Variants in TLR3 observed in about 807,000 individuals in gnomAD.
TLR3 encodes toll like receptor 3, also known as toll-like receptor 3.
TLR3 carries 43 observed loss-of-function variants against 66.4 expected under a neutral mutation model. The observed-to-expected ratio is 0.65, with a 90% confidence interval of 0.51 to 0.83. TLR3 has a LOEUF of 0.83. Ranked by LOEUF, TLR3 falls within the 40% of genes least tolerant of loss-of-function variation. The pLI is 0.00. For missense variants in TLR3, 982 were observed against 1,044.6 expected (o/e 0.94, Z 0.83); for synonymous variants, 397 against 397.2 (o/e 1.00, Z 0.01).
intron 3 of TLR3, among the ~76,000 whole-genome samples, chr4:186,079,558 C>A (rs1369953682): frequency 6.6e-6 from 1 of 152,124 alleles, no homozygotes; most frequent in Admixed American, 6.5e-5. Flanking sequence ...CCGTGTCTGG[C>A]GTAGGCAGTG....
Position 186,078,509 on chromosome 4 carries a change from G to A in TLR3, c.442-331G>A, listed in dbSNP as rs115489841. On this transcript the variant is annotated intron_variant, in intron 2 of 4. Transcript: ENST00000296795. Reference sequence around the variant, plus strand: ...AAATTTCTTGCATCATAAGTAAAAGGTTATGATAAATAAGTTCATAAATTA... The same window carrying A: ...AAATTTCTTGCATCATAAGTAAAAGATTATGATAAATAAGTTCATAAATTA... Among the ~76,000 whole-genome samples, 225 of 152,216 alleles carry A rather than the reference G, an allele frequency of 1.5e-3. 1 individual carries two copies. Among genetic ancestry groups the A allele is most frequent in the African/African-American group, 4.8e-3 (198 of 41,550 alleles).
intron 3 of TLR3, among the ~76,000 whole-genome samples, chr4:186,080,366 A>G (rs56976411): frequency 6.6e-6 from 1 of 152,008 alleles, no homozygotes; most frequent in South Asian, 2.1e-4. Context: ...GGGTGATTTT[A>G]AAAAATCACT....
Position 186,079,421 on chromosome 4 carries a change from G to T in TLR3, c.633+390G>T, listed in dbSNP as rs80145619. Among the ~76,000 whole-genome samples, 844 of 152,258 alleles carry T rather than the reference G, an allele frequency of 5.5e-3. 38 individuals are homozygous for T. In the East Asian group the frequency reaches 0.11, roughly 19 times the overall value. On this transcript the variant is annotated intron_variant, in intron 3 of 4. Transcript: ENST00000296795. ...AGTCGGGTTAGCTGGCTTGGTCTCT[G>T]GGCTTTGTCTTTTAACAATCATGTT...
At position 186,087,606 on chromosome 4, in the gene TLR3, A is replaced by G. The variant is rs1430808476; in HGVS notation, c.*2733A>G. 1 of 152,230 alleles carries G rather than the reference A, an allele frequency of 6.6e-6. No homozygotes were observed. The highest frequency in any genetic ancestry group is 1.5e-5 in the Non-Finnish European group (1 of 68,034). The allele number at this position is 152,230 out of a possible 1,614,324, so 9.4% of individuals were successfully genotyped here. A position where few individuals can be genotyped will look rare whatever the true frequency, so the allele number is the denominator to read the frequency against. ...GAGTTTAAAATAAATCTTGGTATTTAGGTTGTACCTAAAAATGATAACTTT... is the reference window on the plus strand; with the variant it reads ...GAGTTTAAAATAAATCTTGGTATTTGGGTTGTACCTAAAAATGATAACTTT... On this transcript the variant is annotated 3_prime_UTR_variant, in exon 5 of 5. Coordinates refer to ENST00000296795, the MANE Select transcript of TLR3 (RefSeq NM_003265.3).
chr4:186,075,733 A>G (rs2099302335), intron 1 of TLR3, among the ~76,000 whole-genome samples: 1 of 152,246 alleles, frequency 6.6e-6, no homozygotes, highest in African/African-American at 2.4e-5. Flanking sequence ...ATATGTAATC[A>G]TAGTTTCAGG....
rs2150068851 is a variant in TLR3, at chr4:186,087,312, T to G, written c.*2439T>G. On this transcript the variant is annotated 3_prime_UTR_variant, in exon 5 of 5. Coordinates refer to ENST00000296795, the MANE Select transcript of TLR3 (RefSeq NM_003265.3). ...GAATGCCAATAAAAATAGTAAAAGG[T>G]GTAAACTCTGACTCCTATCTGACCT... The G allele has an allele frequency of 6.6e-6, 1 of 152,260 alleles. No homozygotes were observed. The highest frequency in any genetic ancestry group is 1.5e-5 in the Non-Finnish European group (1 of 68,012). The allele number at this position is 152,260 out of a possible 1,614,324, so 9.4% of individuals were successfully genotyped here.
chr4:186,084,482 A>T (rs1341697391), intron 4 of TLR3, among the ~76,000 whole-genome samples, 163 bp from the exon 5 acceptor site: 1 of 152,016 alleles, frequency 6.6e-6, no homozygotes, highest in Non-Finnish European at 1.5e-5. Context: ...ACTTTTAAAT[A>T]TTACCAATAT....
chr4:186,078,509 G>C (rs115489841), intron 2 of TLR3, among the ~76,000 whole-genome samples: 2,256 of 152,206 alleles, frequency 0.015, 23 homozygotes, highest in Non-Finnish European at 0.024. Context: ...TAAGTAAAAG[G>C]TTATGATAAA....
chr4:186,079,927 A>G (rs1307647947), intron 3 of TLR3, among the ~76,000 whole-genome samples: 1 of 152,232 alleles, frequency 6.6e-6, no homozygotes, highest in East Asian at 1.9e-4. Flanking sequence ...GACAGCGCCC[A>G]GGTTGCAGTG....
intron 3 of TLR3, 83 bp downstream of exon 3, chr4:186,079,114 G>A (rs1205748855): frequency 8.2e-6 from 10 of 1,220,942 alleles, no homozygotes; most frequent in Non-Finnish European, 1.2e-5. Context: ...GGAATGTAAT[G>A]CTCTCTAGCC....
Position 186,083,094 on chromosome 4 carries a change from C to A in TLR3, c.1408C>A (p.Gln470Lys), listed in dbSNP as rs1230106817. 2 of 1,614,070 alleles carry A rather than the reference C, an allele frequency of 1.2e-6. No individual in the cohort carries two copies. The highest frequency in any genetic ancestry group is 1.7e-6 in the Non-Finnish European group (2 of 1,180,042). ...CTATCTTTCCTACAACAAGTACCTG[C>A]AGCTGACTAGGAACTCCTTTGCCTT... ...EIYLSYNKYL[Q>K]LTRNSFALVP... is the part of the protein sequence containing the mutation. The change falls in exon 4 of 5, where the codon CAG becomes AAG. Residue 470 changes from glutamine to lysine, a missense_variant. Coordinates refer to ENST00000296795, the MANE Select transcript of TLR3 (RefSeq NM_003265.3). The surrounding 1 kb of genome is among the most constrained non-coding windows in gnomAD (Gnocchi z 4.0).
chr4:186,079,349 C>T (rs2099303019), intron 3 of TLR3, among the ~76,000 whole-genome samples: 1 of 152,192 alleles, frequency 6.6e-6, no homozygotes, highest in Non-Finnish European at 1.5e-5. Context: ...AACTCTCTGA[C>T]AGAGTTATTA....
At position 186,076,722 on chromosome 4, in the gene TLR3, G is replaced by T; in HGVS notation, c.103G>T (p.Ala35Ser). 6.2e-7 allele frequency: 1 copy of T among 1,614,130 alleles called. No individual in the cohort carries two copies. The highest frequency in any genetic ancestry group is 1.1e-5 in the South Asian group (1 of 91,066). The change falls in exon 2 of 5, where the codon GCT becomes TCT. Residue 35 changes from alanine to serine, a missense_variant. Physicochemically the swap from Ala to Ser is moderately conservative, Grantham distance 99. Around this residue, in one of 3 missense-constraint regions of TLR3, gnomAD observed 313 missense variants for 319.0 expected, o/e 0.98. Transcript: ENST00000296795. Reference protein sequence around the residue: ...TTKCTVSHEVADCSHLKLTQV... With the variant: ...TTKCTVSHEVSDCSHLKLTQV... ...CAAGTGCACTGTTAGCCATGAAGTTGCTGACTGCAGCCACCTGAAGTTGAC... is the reference window on the plus strand; with the variant it reads ...CAAGTGCACTGTTAGCCATGAAGTTTCTGACTGCAGCCACCTGAAGTTGAC...
At position 186,082,625 on chromosome 4, in the gene TLR3, G is replaced by T; in HGVS notation, c.939G>T (p.Leu313Phe). 6 of 1,614,080 alleles carry T rather than the reference G, an allele frequency of 3.7e-6. No homozygotes were observed. The highest frequency in any genetic ancestry group is 5.1e-6 in the Non-Finnish European group (6 of 1,180,010). The stretch of plus-strand genomic sequence containing the variant: ...TAGAGTATAATAATATACAGCATTT[G>T]TTTTCTCACTCTTTGCACGGGCTTT... ...FFLEYNNIQH[L>F]FSHSLHGLFN... The change falls in exon 4 of 5, where the codon TTG becomes TTT. Residue 313 changes from leucine (L) to phenylalanine (F), a missense_variant. Coordinates refer to ENST00000296795, the MANE Select transcript of TLR3 (RefSeq NM_003265.3).
chr4:186,079,548 C>T (rs1042994670), intron 3 of TLR3, among the ~76,000 whole-genome samples: 1 of 152,158 alleles, frequency 6.6e-6, no homozygotes, highest in African/African-American at 2.4e-5. Flanking sequence ...GAATTTAGGA[C>T]CGTGTCTGGC....
intron 3 of TLR3, among the ~76,000 whole-genome samples, chr4:186,079,372 G>A (rs1056682123): frequency 8.5e-5 from 13 of 152,188 alleles, no homozygotes; most frequent in Non-Finnish European, 1.6e-4. Flanking sequence ...TAAAGAGTAC[G>A]ATGGTCAAGA....
rs1214257730 is a variant in TLR3, at chr4:186,083,260, T to G, written c.1574T>G (p.Met525Arg). The G allele has an allele frequency of 9.9e-6, 16 of 1,614,172 alleles. No individual in the cohort carries two copies. The highest frequency in any genetic ancestry group is 1.3e-5 in the Non-Finnish European group (15 of 1,180,034). The change falls in exon 4 of 5, where the codon ATG (methionine) becomes AGG (arginine). Residue 525 changes from methionine (M) to arginine (R), a missense_variant. Around this residue, in one of 3 missense-constraint regions of TLR3, gnomAD observed 666 missense variants for 709.0 expected, o/e 0.94. Coordinates refer to ENST00000296795, the MANE Select transcript of TLR3 (RefSeq NM_003265.3). This position sits in a 1 kb window ranked among gnomAD's most constrained non-coding sequence, Gnocchi z 4.0. ...AACATAGCCAACATAAATGATGACA[T>G]GTTGGAGGGTCTTGAGAAACTAGAA... ...NNNIANINDD[M>R]LEGLEKLEIL...
At chr4:186,082,149 G>A (rs2150067561) in intron 3 of TLR3, 171 bp from the exon 4 acceptor site, 1 of 638,296 alleles carries the variant, frequency 1.6e-6, no homozygotes, top group East Asian at 2.8e-5. Flanking sequence ...TGCTTGAACT[G>A]AGGAGGTGGA....
At chr4:186,080,563 A>G (rs1355156840) in intron 3 of TLR3, among the ~76,000 whole-genome samples, 2 of 148,430 alleles carry the variant, frequency 1.3e-5, no homozygotes, top group Non-Finnish European at 3.0e-5. Context: ...TGTATATAGT[A>G]TTTTTAATCA....
Sources: allele counts gnomAD v4.1 joint callset (sites outside exome capture counted in the v4.1 genomes callset), GRCh38; gene constraint gnomAD v4.1.1; regional missense constraint gnomAD v4.1.1; non-coding constraint Gnocchi (gnomAD v3.1); transcripts MANE v1.5; gene names NCBI Gene and HGNC (gene_info 2026-07-23, HGNC 2026-07-21).